SND1: variants seen among roughly 807,000 people sequenced by gnomAD.
The protein encoded by SND1 is staphylococcal nuclease domain-containing protein 1.
A neutral mutation model predicts 121.7 loss-of-function variants in SND1; 38 were observed. The ratio of observed to expected loss-of-function variants is 0.31; its 90% CI spans 0.24 to 0.41. The LOEUF is 0.41. Among genes scored for constraint, SND1 ranks in the 10% least tolerant of loss-of-function variants. The pLI is 1.00. For missense variants in SND1, 868 were observed against 1,184.6 expected (o/e 0.73, Z 3.92); for synonymous variants, 401 against 447.4 (o/e 0.90, Z 1.31).
At chr7:127,689,316 T>C (rs1041385352) in intron 2 of SND1, among the ~76,000 whole-genome samples, 7 of 152,248 alleles carry the variant, frequency 4.6e-5, no homozygotes, top group Non-Finnish European at 7.3e-5. Context: ...CATTAACAAA[T>C]GGGTGAACCA....
At chr7:127,857,675 G>T (rs1300199736) in intron 12 of SND1, among the ~76,000 whole-genome samples, 1 of 152,014 alleles carries the variant, frequency 6.6e-6, no homozygotes, top group Admixed American at 6.5e-5. Context: ...CTGTGGAGAG[G>T]TTCCCTCGCT....
chr7:127,811,930 C>T (rs1363982660), intron 11 of SND1, among the ~76,000 whole-genome samples: 1 of 151,976 alleles, frequency 6.6e-6, no homozygotes, highest in Non-Finnish European at 1.5e-5. Context: ...GATAGAATGC[C>T]GATTATATCT....
At chr7:127,710,447 C>CA (rs33999230) in intron 9 of SND1, among the ~76,000 whole-genome samples, 47,076 of 119,854 alleles carry the variant, frequency 0.39, 8,277 homozygotes, top group Middle Eastern at 0.48. Context: ...AAGCTTACTA[C>CA]AAAAAAAAAA....
In SND1 at chr7:127,701,451, T is replaced by C. The variant is rs1796099456; in HGVS notation, c.589+128T>C. On this transcript the variant is annotated intron_variant, in intron 5 of 23. Coordinates refer to ENST00000354725, the MANE Select transcript of SND1 (RefSeq NM_014390.4). ...TTATTTAGTATCCATGGGAAATCCT[T>C]AAGGTTAAAACAGCACCTTAGTATT... The C allele has an allele frequency of 4.1e-6, 4 of 986,222 alleles. No homozygotes were observed. The South Asian group carries it at 7.4e-5, about 18-fold the overall frequency. 61.1% of individuals were successfully genotyped at this position (986,222 alleles called of 1,614,324 possible).
chr7:127,699,146 T>C (rs949304749), intron 4 of SND1, among the ~76,000 whole-genome samples, 193 bp downstream of exon 4: 1 of 152,234 alleles, frequency 6.6e-6, no homozygotes, highest in Non-Finnish European at 1.5e-5. Context: ...TATGACTCTT[T>C]TAAACACAGG....
chr7:127,911,300 G>T (rs1215024231), intron 14 of SND1, among the ~76,000 whole-genome samples: 1 of 152,134 alleles, frequency 6.6e-6, no homozygotes, highest in African/African-American at 2.4e-5. Flanking sequence ...CACCTCGTAA[G>T]TTTCTCCCAG....
At chr7:128,078,980 T>C (rs1378955772) in intron 17 of SND1, among the ~76,000 whole-genome samples, 1 of 152,206 alleles carries the variant, frequency 6.6e-6, no homozygotes, top group East Asian at 1.9e-4. Flanking sequence ...CAGGGGTGCC[T>C]GCTGGTAGGA....
chr7:127,690,190 A>G (rs1214088807), intron 2 of SND1, among the ~76,000 whole-genome samples: 1 of 152,032 alleles, frequency 6.6e-6, no homozygotes, highest in Admixed American at 6.6e-5. Context: ...CTCATATTCC[A>G]AGACACTTTA....
intron 14 of SND1, among the ~76,000 whole-genome samples, chr7:127,926,549 CT>C (rs71160605): frequency 8.8e-3 from 801 of 90,550 alleles, no homozygotes; most frequent in African/African-American, 0.012. Context: ...TTTTCTTTTT[CT>C]TTTTTTTTTT....
chr7:127,852,201 T>TA (rs1399508781), intron 12 of SND1, among the ~76,000 whole-genome samples: 4 of 148,350 alleles, frequency 2.7e-5, no homozygotes, highest in African/African-American at 7.4e-5. Context: ...ATAAAATAAA[T>TA]AAAAAAAATA....
intron 1 of SND1, among the ~76,000 whole-genome samples, chr7:127,685,189 T>A (rs188050558): frequency 6.6e-6 from 1 of 152,296 alleles, no homozygotes; most frequent in Admixed American, 6.5e-5. Flanking sequence ...CATTTGTGTA[T>A]TTATATCAAT....
At chr7:127,770,411 G>T (rs577438994) in intron 10 of SND1, among the ~76,000 whole-genome samples, 5 of 152,134 alleles carry the variant, frequency 3.3e-5, no homozygotes, top group Non-Finnish European at 7.4e-5. Context: ...TGCTGTAACT[G>T]GTACTAAGGA....
At chr7:127,843,187 A>ACC (rs1163453714) in intron 11 of SND1, among the ~76,000 whole-genome samples, 12 of 152,074 alleles carry the variant, frequency 7.9e-5, no homozygotes, top group African/African-American at 2.9e-4. Flanking sequence ...CCCTACACAC[A>ACC]ATCTTCCACA....
intron 16 of SND1, among the ~76,000 whole-genome samples, chr7:128,057,214 T>C (rs769099990): frequency 1.1e-4 from 16 of 152,184 alleles, no homozygotes; most frequent in Non-Finnish European, 2.9e-5. Flanking sequence ...TTATATACTC[T>C]GTGGTGCACA....
chr7:127,712,836 G>A (rs1468353061), intron 9 of SND1, among the ~76,000 whole-genome samples: 2 of 152,150 alleles, frequency 1.3e-5, no homozygotes, highest in African/African-American at 4.8e-5. Context: ...TTCTTTAATT[G>A]ATGTGTAATA....
intron 11 of SND1, among the ~76,000 whole-genome samples, chr7:127,827,802 C>G (rs1260615473): frequency 6.6e-6 from 1 of 151,838 alleles, no homozygotes; most frequent in Non-Finnish European, 1.5e-5. Flanking sequence ...GCCTATGCAT[C>G]TTGGTTTGTC....
intron 11 of SND1, among the ~76,000 whole-genome samples, chr7:127,841,829 AGTT>A (rs1029822488): frequency 1.3e-5 from 2 of 152,204 alleles, no homozygotes; most frequent in East Asian, 1.9e-4. Context: ...GTTTTATAGT[AGTT>A]GTTAAGACCT....
chr7:127,908,359 TGC>T (rs1554441831), intron 14 of SND1, among the ~76,000 whole-genome samples: 82 of 144,942 alleles, frequency 5.7e-4, no homozygotes, highest in African/African-American at 1.8e-3. Context: ...TGTGTGTGTG[TGC>T]GTGCGTGTTG....
chr7:128,033,737 A>G (rs1792695530), intron 16 of SND1, among the ~76,000 whole-genome samples: 1 of 152,046 alleles, frequency 6.6e-6, no homozygotes, highest in African/African-American at 2.4e-5. Context: ...CTGCAACCCT[A>G]TTATTCATTT....
Sources: gnomAD v4.1 joint callset for allele counts (sites outside exome capture counted in the v4.1 genomes callset) on GRCh38, gnomAD v4.1.1 for gene constraint, MANE v1.5 for transcripts, NCBI Gene and HGNC (gene_info 2026-07-23, HGNC 2026-07-21) for gene names.